Variants in ARVCF observed in about 807,000 individuals in gnomAD.
ARVCF encodes the protein splicing regulator ARVCF.
In ARVCF, 66 loss-of-function variants were observed where a neutral mutation model predicts 90.9. That is an observed-to-expected ratio of 0.73 (90% confidence interval 0.60 to 0.89). ARVCF has a LOEUF of 0.89. Ranked by LOEUF, ARVCF falls within the 40% of genes least tolerant of loss-of-function variation. The pLI is 0.00. For synonymous variants in ARVCF, 653 were observed against 603.4 expected (o/e 1.08, Z -1.21); for missense variants, 1,469 against 1,382.3 (o/e 1.06, Z -1.00).
chr22:19,966,958 T>C (rs925327002), downstream of ARVCF: 3 of 985,288 alleles, frequency 3.0e-6, 1 homozygote, highest in Non-Finnish European at 3.6e-6. Context: ...TCAGTCCTGC[T>C]CAGACGCTGA....
At chr22:19,988,871 G>A (rs772091522) in intron 3 of ARVCF, among the ~76,000 whole-genome samples, 43 of 149,262 alleles carry the variant, frequency 2.9e-4, no homozygotes, top group Admixed American at 6.0e-4. Context: ...CGGGGGGAGA[G>A]TTCAGGGGCA....
In ARVCF at chr22:19,987,337, AG is replaced by A. The variant is rs1456785282; in HGVS notation, c.210+3247del. 7.9e-3 allele frequency: 1,675 copies of A among 213,118 alleles called. 88 individuals are homozygous for A. The highest frequency in any genetic ancestry group is 0.051 in the African/African-American group (1,537 of 30,372). 13.2% of individuals were successfully genotyped at this position (213,118 alleles called of 1,614,324 possible). On this transcript the variant is annotated intron_variant, in intron 3 of 19. Transcript: ENST00000263207. ...ATGTGAGGTCCCGCCCCCCAGAGAC[AG>A]GGGGCGGGGCCCTGCAGCCCCGGGT...
chr22:19,986,260 C>A (rs1943759160), intron 3 of ARVCF, among the ~76,000 whole-genome samples: 1 of 152,230 alleles, frequency 6.6e-6, no homozygotes, highest in Non-Finnish European at 1.5e-5. Context: ...GGGGCCACAC[C>A]AGGGCCGTAG....
intron 7 of ARVCF, among the ~76,000 whole-genome samples, chr22:19,978,619 C>A (rs547395391): frequency 6.6e-6 from 1 of 152,044 alleles, no homozygotes; most frequent in African/African-American, 2.4e-5. Flanking sequence ...CCCAGCTCCC[C>A]CTCTGGCTGT....
At chr22:19,981,077 G>A (rs1943465530) in intron 5 of ARVCF, 134 bp downstream of exon 5, 7 of 1,221,304 alleles carry the variant, frequency 5.7e-6, no homozygotes, top group East Asian at 5.3e-5. Context: ...TCCCTGACGA[G>A]AGCCAAGGCC....
rs2240715 is a variant in ARVCF, at chr22:19,973,083, G to C, written c.2438+36C>G. ...CAGTGGTGGCCCCTCCCCCACCTCC[G>C]CGGCTCCCCAAGCCACCGACCCCGC... On this transcript the variant is annotated intron_variant, in intron 14 of 19. Coordinates refer to ENST00000263207, the MANE Select transcript of ARVCF (RefSeq NM_001670.3). 552,717 of 1,368,118 alleles carry C rather than the reference G, an allele frequency of 0.4. 102,035 individuals are homozygous for C. Among genetic ancestry groups the C allele is most frequent in the African/African-American group, 0.7 (50,266 of 72,126 alleles). 84.7% of individuals were successfully genotyped at this position (1,368,118 alleles called of 1,614,324 possible).
At chr22:19,986,353 T>A (rs1189075143) in intron 3 of ARVCF, among the ~76,000 whole-genome samples, 1 of 152,190 alleles carries the variant, frequency 6.6e-6, no homozygotes, top group Non-Finnish European at 1.5e-5. Context: ...TGGTCTCTCC[T>A]CTGCTCAGTT....
rs781694266 is a variant in ARVCF at position 19,974,081 on chromosome 22, C to A, written c.2088+31G>T. ...GTGCCTGGGATTCCCTCTCTCAGGA[C>A]TTGCCCACCCTGCCCGACCTGGTCC... On this transcript the variant is annotated intron_variant, in intron 12 of 19. Transcript: ENST00000263207. The A allele has an allele frequency of 3.2e-6, 5 of 1,584,880 alleles. No homozygotes were observed. In the East Asian group the frequency reaches 1.1e-4, roughly 36 times the overall value.
At chr22:19,982,201 G>GAGGAAGGCATCCTGGT in intron 3 of ARVCF, 110 bp from the exon 4 acceptor site, 1 of 1,457,732 alleles carries the variant, frequency 6.9e-7, no homozygotes, top group Non-Finnish European at 9.2e-7. Flanking sequence ...AGCACACCAG[G>GAGGAAGGCATCCTGGT]GTGCCTTCCT....
chr22:20,004,250 T>C (rs1487996411), intron 2 of ARVCF, among the ~76,000 whole-genome samples: 1 of 152,182 alleles, frequency 6.6e-6, no homozygotes, highest in East Asian at 1.9e-4. Flanking sequence ...TATCCCATGT[T>C]CATGGCTGGG....
chr22:19,979,800 C>T lies in ARVCF; in HGVS notation c.1339G>A (p.Ala447Thr), dbSNP rs747023159. The T allele has an allele frequency of 1.9e-6, 3 of 1,609,006 alleles. No homozygotes were observed. The highest frequency in any genetic ancestry group is 1.1e-5 in the South Asian group (1 of 90,458). Residue 447 changes from alanine to threonine, a missense_variant, in exon 6 of 20, where the codon GCC becomes ACC. Physicochemically the swap from Ala to Thr is moderately conservative, Grantham distance 58. Coordinates refer to ENST00000263207, the MANE Select transcript of ARVCF (RefSeq NM_001670.3). Reference protein sequence around the residue: ...AAIRDCGGVPALVRLLRAARD... With the variant: ...AAIRDCGGVPTLVRLLRAARD... ...GCAGCCCTCAGCAGGCGCACCAGGG[C>T]AGGCACACCACCGCAGTCCCGGATG... is the stretch of plus-strand genomic sequence containing the variant.
chr22:20,005,769 C>A (rs1006117766), intron 2 of ARVCF, among the ~76,000 whole-genome samples: 55 of 150,426 alleles, frequency 3.7e-4, no homozygotes, highest in Non-Finnish European at 5.6e-4. Flanking sequence ...GCACTCCAGC[C>A]TGGGCGGCAG....
chr22:19,979,043 C>T lies in ARVCF; in HGVS notation c.1434G>A (p.Lys478=), dbSNP rs1261442976. ...LWNLSSYEPL[K]MVIIDHGLQT... ...GCAGGCCATGGTCAATGATGACCAT[C>T]TTCAGGGGCTCATAGGATGACAGGT... Residue 478 remains lysine, a synonymous_variant, in exon 7 of 20, where the codon AAG becomes AAA. Transcript: ENST00000263207. 3 of 1,613,234 alleles carry T rather than the reference C, an allele frequency of 1.9e-6. No individual in the cohort carries two copies. The African/African-American group carries it at 4.0e-5, about 22-fold the overall frequency.
chr22:19,984,102 G>C (rs1280400643), intron 3 of ARVCF, among the ~76,000 whole-genome samples: 3 of 152,212 alleles, frequency 2.0e-5, no homozygotes, highest in South Asian at 2.1e-4. Flanking sequence ...AGAGTGAGGA[G>C]GGTATAAAGC....
rs1253917363 is a variant in ARVCF, at chr22:19,980,111, G to A, written c.1028C>T (p.Ser343Leu). The A allele has an allele frequency of 8.2e-6, 13 of 1,586,698 alleles. No individual in the cohort carries two copies. In the East Asian group the frequency reaches 1.4e-4, roughly 17 times the overall value. The change falls in exon 6 of 20, where the codon TCG becomes TTG. Residue 343 changes from serine to leucine, a missense_variant. Physicochemically the swap from Ser to Leu is moderately radical, Grantham distance 145. Transcript: ENST00000263207. The stretch of plus-strand genomic sequence containing the variant: ...CTTGCGGGCGCTATCCACTGAGGGC[G>A]AGCGCCGCACCAGCCGGTCCAGGCT... ...MGSLDRLVRR[S>L]PSVDSARKEP...
intron 3 of ARVCF, chr22:19,987,191 G>A (rs1226062111): frequency 3.4e-5 from 14 of 405,828 alleles, no homozygotes; most frequent in Non-Finnish European, 6.1e-5. Context: ...CAGGCTCGGC[G>A]GACTCGCTCC....
intron 3 of ARVCF, among the ~76,000 whole-genome samples, chr22:19,984,723 G>A (rs563633912): frequency 6.6e-6 from 1 of 152,344 alleles, no homozygotes; most frequent in African/African-American, 2.4e-5. Flanking sequence ...AGGCACACTC[G>A]TGAGCACACA....
At chr22:19,971,029 G>A (rs1264432040) in intron 19 of ARVCF, among the ~76,000 whole-genome samples, 187 bp downstream of exon 19, 1 of 152,184 alleles carries the variant, frequency 6.6e-6, no homozygotes, top group East Asian at 1.9e-4. Context: ...TGGGCCCAGG[G>A]AGCACCCTCC....
rs910548294 is a variant in ARVCF at position 19,971,273 on chromosome 22, G to T, written c.2844C>A (p.Asp948Glu). ...GPSRPAVRLV[D>E]AVGDAKPQPV... is the part of the protein sequence containing the mutation. ...GCTGAGGCTTAGCGTCCCCTACGGCGTCCACCAGCCTGACCGCGGGCCTGC... is the reference window on the plus strand; with the variant it reads ...GCTGAGGCTTAGCGTCCCCTACGGCTTCCACCAGCCTGACCGCGGGCCTGC... The change falls in exon 19 of 20, where the codon GAC (aspartate) becomes GAA (glutamate). Residue 948 changes from aspartate to glutamate, a missense_variant. Physicochemically the swap from Asp to Glu is conservative, Grantham distance 45 (BLOSUM62 2). Transcript: ENST00000263207. 6.4e-7 allele frequency: 1 copy of T among 1,557,002 alleles called. No homozygotes were observed. The highest frequency in any genetic ancestry group is 8.7e-7 in the Non-Finnish European group (1 of 1,149,604).
Sources: gnomAD v4.1 joint callset for allele counts (sites outside exome capture counted in the v4.1 genomes callset) on GRCh38, gnomAD v4.1.1 for gene constraint, MANE v1.5 for transcripts, NCBI Gene and HGNC (gene_info 2026-07-23, HGNC 2026-07-21) for gene names.